The following AGBL1 variants were observed in gnomAD, a reference collection of about 807,000 sequenced individuals.
The protein encoded by AGBL1 is AGBL carboxypeptidase 1, also known as cytosolic carboxypeptidase 4.
In AGBL1, 130 loss-of-function variants were observed where a neutral mutation model predicts 118.9. The observed-to-expected ratio is 1.09, with a 90% CI of 0.95 to 1.26. AGBL1 has a LOEUF of 1.26. Ranked by LOEUF, AGBL1 falls within the 50% of genes most tolerant of loss-of-function variation. The pLI is 0.00. For synonymous variants in AGBL1, 555 were observed against 478.9 expected (o/e 1.16, Z -2.08); for missense variants, 1,584 against 1,298.1 (o/e 1.22, Z -3.38).
intron 5 of AGBL1, among the ~76,000 whole-genome samples, chr15:86,193,410 C>A (rs1448937443): frequency 6.6e-6 from 1 of 152,038 alleles, no homozygotes; most frequent in Admixed American, 6.6e-5. Flanking sequence ...TGCAATAGAG[C>A]CCATTTATCC....
intron 24 of AGBL1, among the ~76,000 whole-genome samples, chr15:87,012,982 G>C (rs2141785025): frequency 6.6e-6 from 1 of 152,126 alleles, no homozygotes; most frequent in Non-Finnish European, 1.5e-5. Flanking sequence ...CCTTGTCCTG[G>C]ATGCGGTTGC....
chr15:86,902,059 C>T (rs534371253), intron 22 of AGBL1, among the ~76,000 whole-genome samples: 2 of 151,174 alleles, frequency 1.3e-5, no homozygotes, highest in South Asian at 2.2e-4. Flanking sequence ...TATTACAAAT[C>T]AAGCTGCTGT....
At chr15:86,285,563 C>T (rs907782423) in intron 16 of AGBL1, among the ~76,000 whole-genome samples, 1 of 152,080 alleles carries the variant, frequency 6.6e-6, no homozygotes, top group Non-Finnish European at 1.5e-5. Flanking sequence ...TGTTCTTTCA[C>T]CTTCTGCCGT....
At chr15:86,251,303 AG>A (rs375804000) in intron 7 of AGBL1, among the ~76,000 whole-genome samples, 13 of 152,248 alleles carry the variant, frequency 8.5e-5, no homozygotes, top group African/African-American at 3.1e-4. Context: ...CAGCTCCCCC[AG>A]TTGAGCATGC....
Position 86,915,316 on chromosome 15 carries a change from G to C in AGBL1, c.*8022G>C, listed in dbSNP as rs896409839. 58 of 152,268 alleles carry C rather than the reference G, an allele frequency of 3.8e-4. No homozygotes were observed. The highest frequency in any genetic ancestry group is 1.2e-3 in the African/African-American group (48 of 41,556). 9.4% of individuals were successfully genotyped at this position (152,268 alleles called of 1,614,324 possible). A position where few individuals can be genotyped will look rare whatever the true frequency, so the allele number is the denominator to read the frequency against. ...TTATAATTTGTCAGTGACCTCCCAT[G>C]GTCTTAAGGATAAAATGCAGACAGG... On this transcript the variant is annotated 3_prime_UTR_variant, in exon 23 of 23. Coordinates refer to ENST00000614907, the MANE Select transcript of AGBL1 (RefSeq NM_001386094.1).
intron 22 of AGBL1, among the ~76,000 whole-genome samples, chr15:86,728,660 A>G (rs1241502192): frequency 1.3e-5 from 2 of 152,236 alleles, no homozygotes; most frequent in Admixed American, 6.5e-5. Context: ...TTAAAATACT[A>G]CATTAAGACA....
downstream of AGBL1, among the ~76,000 whole-genome samples, chr15:86,918,544 T>A (rs115989396): frequency 1.8e-4 from 26 of 147,412 alleles, no homozygotes; most frequent in South Asian, 2.1e-4. Flanking sequence ...TCTCAAAAAA[T>A]AAAAAAAAAA....
At chr15:86,184,067 A>G (rs975010156) in intron 5 of AGBL1, among the ~76,000 whole-genome samples, 7 of 152,230 alleles carry the variant, frequency 4.6e-5, no homozygotes, top group African/African-American at 1.7e-4. Flanking sequence ...AGAAAGAGAT[A>G]AAGTGTTATA....
chr15:86,454,794 T>C (rs527464036), intron 18 of AGBL1, among the ~76,000 whole-genome samples: 7 of 152,290 alleles, frequency 4.6e-5, no homozygotes, highest in African/African-American at 1.4e-4. Flanking sequence ...ATTTTATATC[T>C]TGACTGTGAG....
intron 21 of AGBL1, among the ~76,000 whole-genome samples, chr15:86,662,781 C>T (rs1221557919): frequency 1.3e-5 from 2 of 152,162 alleles, no homozygotes; most frequent in Non-Finnish European, 2.9e-5. Flanking sequence ...AATTTGTATA[C>T]CCCTGGACTT....
chr15:87,018,422 G>T (rs991429002), intron 24 of AGBL1, among the ~76,000 whole-genome samples: 11 of 152,062 alleles, frequency 7.2e-5, no homozygotes, highest in Admixed American at 6.6e-4. Flanking sequence ...CATCTCAGAA[G>T]AAATCCTACA....
At chr15:86,879,976 G>T (rs778113065) in intron 22 of AGBL1, among the ~76,000 whole-genome samples, 1 of 152,180 alleles carries the variant, frequency 6.6e-6, no homozygotes, top group Non-Finnish European at 1.5e-5. Flanking sequence ...AGCAGATGCA[G>T]GAGATGCTTA....
At chr15:86,233,601 A>T (rs2141955557) in intron 6 of AGBL1, among the ~76,000 whole-genome samples, 1 of 152,162 alleles carries the variant, frequency 6.6e-6, no homozygotes, top group Middle Eastern at 3.4e-3. Flanking sequence ...TACTCAAGGG[A>T]CTCTTTCAGA....
intron 7 of AGBL1, among the ~76,000 whole-genome samples, chr15:86,251,812 T>C (rs1321066628): frequency 8.4e-6 from 1 of 119,382 alleles, no homozygotes; most frequent in African/African-American, 4.4e-5. Context: ...ACAATTTGAA[T>C]GCAAGATTGA....
chr15:86,475,014 C>G (rs7173212), intron 18 of AGBL1, among the ~76,000 whole-genome samples: 70,422 of 152,104 alleles, frequency 0.46, 16,904 homozygotes, highest in Middle Eastern at 0.56. Context: ...GCTGAGGGTC[C>G]TGAATGTTAG....
rs181238863 is a variant in AGBL1, at chr15:86,683,725, T to C, written c.3158+9289T>C. Among the ~76,000 whole-genome samples the C allele has an allele frequency of 1.4e-3, 213 of 152,292 alleles. 2 individuals are homozygous for C. Among genetic ancestry groups the C allele is most frequent in the African/African-American group, 4.8e-3 (198 of 41,556 alleles). ...ATCAAGAAACTCACTCTTACTACTC[T>C]CTATAGCAACTGCAGCCCTTCCCAG... On this transcript the variant is annotated intron_variant, in intron 22 of 22. Coordinates refer to ENST00000614907, the MANE Select transcript of AGBL1 (RefSeq NM_001386094.1).
chr15:86,756,175 C>G (rs940571632), intron 22 of AGBL1, among the ~76,000 whole-genome samples: 1 of 149,734 alleles, frequency 6.7e-6, no homozygotes, highest in African/African-American at 2.5e-5. Flanking sequence ...AAACAAATAT[C>G]TTGAAATATG....
chr15:86,954,110 A>G (rs1467327742), intron 23 of AGBL1, among the ~76,000 whole-genome samples: 2 of 152,172 alleles, frequency 1.3e-5, no homozygotes, highest in African/African-American at 4.8e-5. Flanking sequence ...AAATAATAAT[A>G]ATCAGAATAG....
At chr15:86,162,058 G>C (rs1473957242) in intron 5 of AGBL1, among the ~76,000 whole-genome samples, 1 of 152,216 alleles carries the variant, frequency 6.6e-6, no homozygotes, top group East Asian at 1.9e-4. Flanking sequence ...CTGGGGAAGA[G>C]TCTGGAGATG....
Sources: gnomAD v4.1 joint callset for allele counts (sites outside exome capture counted in the v4.1 genomes callset) on GRCh38, gnomAD v4.1.1 for gene constraint, MANE v1.5 for transcripts, NCBI Gene and HGNC (gene_info 2026-07-23, HGNC 2026-07-21) for gene names.